SLC35F1: variants seen among roughly 807,000 people sequenced by gnomAD.
SLC35F1 encodes the protein solute carrier family 35 member F1.
Under a neutral mutation model 48.7 loss-of-function variants are expected in SLC35F1, and 14 were observed. The observed-to-expected ratio is 0.29, with a 90% confidence interval of 0.19 to 0.45. The LOEUF (loss-of-function observed/expected upper bound fraction) is 0.45, where lower values mean the gene tolerates loss of function less well. SLC35F1 is among the 20% of genes least tolerant of loss of function. SLC35F1 has a pLI of 1.00. For synonymous variants in SLC35F1, 190 were observed against 202.2 expected (o/e 0.94, Z 0.51); for missense variants, 404 against 500.0 (o/e 0.81, Z 1.83).
At chr6:118,164,046 T>A (rs1215803188) in intron 2 of SLC35F1, among the ~76,000 whole-genome samples, 1 of 152,262 alleles carries the variant, frequency 6.6e-6, no homozygotes, top group East Asian at 1.9e-4. Context: ...ATTTCCTGCC[T>A]ATGCATTTTT....
chr6:117,933,400 G>A (rs1326593997), intron 1 of SLC35F1, among the ~76,000 whole-genome samples: 1 of 152,076 alleles, frequency 6.6e-6, no homozygotes, highest in Non-Finnish European at 1.5e-5. Context: ...TTTCTTTTAA[G>A]CATTTTTATA....
intron 2 of SLC35F1, among the ~76,000 whole-genome samples, chr6:118,179,426 G>A (rs1774539118): frequency 6.6e-6 from 1 of 152,156 alleles, no homozygotes; most frequent in African/African-American, 2.4e-5. Context: ...GAGAGAAAGA[G>A]TGAATTTGCC....
chr6:117,944,154 G>C (rs147582609), intron 1 of SLC35F1, among the ~76,000 whole-genome samples: 1 of 152,086 alleles, frequency 6.6e-6, no homozygotes, highest in African/African-American at 2.4e-5. Context: ...TATATTTGTG[G>C]TTGCTATTCA....
intron 1 of SLC35F1, among the ~76,000 whole-genome samples, chr6:117,921,217 G>A (rs1016454503): frequency 1.3e-5 from 2 of 152,124 alleles, no homozygotes; most frequent in African/African-American, 4.8e-5. Context: ...CATTTTTAAA[G>A]TGCTTCATTT....
At chr6:118,044,761 A>G (rs770051472) in intron 1 of SLC35F1, among the ~76,000 whole-genome samples, 19 of 152,276 alleles carry the variant, frequency 1.2e-4, no homozygotes, top group Admixed American at 3.9e-4. Flanking sequence ...TCCTGTCCAC[A>G]TTCCTCAAAC....
chr6:117,957,937 C>T (rs1001352769), intron 1 of SLC35F1, among the ~76,000 whole-genome samples: 5 of 152,074 alleles, frequency 3.3e-5, no homozygotes, highest in South Asian at 2.1e-4. Flanking sequence ...AACTGTAAAA[C>T]GGCCTCAGGC....
rs9387546 is a variant in SLC35F1, at chr6:118,047,961, G to C, written c.174-106484G>C. Among the ~76,000 whole-genome samples, 15 of 152,252 alleles carry C rather than the reference G, an allele frequency of 9.9e-5. No individual in the cohort carries two copies. The East Asian group carries it at 2.9e-3, about 29-fold the overall frequency. ...GAGAGGGAATCCCTGTCTTGTGCCA[G>C]TTTTCAAAGGGAATGCTTCCAGTTT... On this transcript the variant is annotated intron_variant, in intron 1 of 7. Transcript: ENST00000360388.
chr6:118,181,817 C>A (rs1465399566), intron 2 of SLC35F1, among the ~76,000 whole-genome samples: 2 of 151,948 alleles, frequency 1.3e-5, no homozygotes, highest in African/African-American at 4.8e-5. Flanking sequence ...AACTTTAAGA[C>A]AAAAATGTTA....
At chr6:118,269,542 A>G (rs2114623835) in intron 4 of SLC35F1, among the ~76,000 whole-genome samples, 1 of 151,794 alleles carries the variant, frequency 6.6e-6, no homozygotes, top group Non-Finnish European at 1.5e-5. Flanking sequence ...CATCACAGAG[A>G]ACATATTTTT....
At chr6:118,264,001 T>C (rs1362504032) in intron 3 of SLC35F1, among the ~76,000 whole-genome samples, 2 of 152,232 alleles carry the variant, frequency 1.3e-5, no homozygotes, top group Non-Finnish European at 2.9e-5. Context: ...AAAATTATTA[T>C]GACATAACTT....
intron 1 of SLC35F1, among the ~76,000 whole-genome samples, chr6:118,007,557 T>C (rs763463096): frequency 2.2e-4 from 34 of 152,206 alleles, no homozygotes; most frequent in Non-Finnish European, 3.4e-4. Context: ...GAGTTTATCC[T>C]TTCAAAGAAA....
chr6:117,981,989 C>T (rs1264674508), intron 1 of SLC35F1, among the ~76,000 whole-genome samples: 1 of 152,138 alleles, frequency 6.6e-6, no homozygotes, highest in Admixed American at 6.5e-5. Flanking sequence ...ACAAGCTAGG[C>T]ATTGCATTCT....
intron 2 of SLC35F1, among the ~76,000 whole-genome samples, chr6:118,196,350 G>A (rs1774800628): frequency 6.6e-6 from 1 of 152,160 alleles, no homozygotes; most frequent in African/African-American, 2.4e-5. Context: ...TCCTTCTCAA[G>A]CCTTATTTAG....
At chr6:118,224,931 C>T (rs1775195564) in intron 2 of SLC35F1, among the ~76,000 whole-genome samples, 1 of 152,142 alleles carries the variant, frequency 6.6e-6, no homozygotes, top group Non-Finnish European at 1.5e-5. Context: ...CTGGCCTGGA[C>T]TTCCAGTATT....
chr6:118,085,528 C>T (rs575347041), intron 1 of SLC35F1, among the ~76,000 whole-genome samples: 1 of 102,138 alleles, frequency 9.8e-6, no homozygotes, highest in South Asian at 3.7e-4. Context: ...GGTAGAGCCT[C>T]ACTCTGTCTC....
At chr6:118,303,351 T>C (rs1776276241) in intron 7 of SLC35F1, among the ~76,000 whole-genome samples, 1 of 152,176 alleles carries the variant, frequency 6.6e-6, no homozygotes, top group Admixed American at 6.5e-5. Flanking sequence ...CCTTAGAAGC[T>C]TGAGTATAGG....
chr6:118,018,296 G>A (rs56225793), intron 1 of SLC35F1, among the ~76,000 whole-genome samples: 23,684 of 151,896 alleles, frequency 0.16, 2,176 homozygotes, highest in Middle Eastern at 0.23. Context: ...GCTTGAACCC[G>A]GGAGGCGGAG....
chr6:118,140,734 A>G (rs1370524988), intron 1 of SLC35F1, among the ~76,000 whole-genome samples: 1 of 152,230 alleles, frequency 6.6e-6, no homozygotes, highest in African/African-American at 2.4e-5. Context: ...TTCCAGTGGG[A>G]CAAGATGTTG....
intron 1 of SLC35F1, among the ~76,000 whole-genome samples, chr6:117,942,290 C>T (rs1371489511): frequency 6.6e-6 from 1 of 152,084 alleles, no homozygotes; most frequent in African/African-American, 2.4e-5. Flanking sequence ...TACATAGACA[C>T]TGAGAGCTTA....
Sources: gnomAD v4.1 joint callset for allele counts (sites outside exome capture counted in the v4.1 genomes callset) on GRCh38, gnomAD v4.1.1 for gene constraint, MANE v1.5 for transcripts, NCBI Gene and HGNC (gene_info 2026-07-23, HGNC 2026-07-21) for gene names.